EIF4G1: variants seen among roughly 807,000 people sequenced by gnomAD.
EIF4G1 encodes EIF4-gamma.
EIF4G1 carries 4 observed loss-of-function variants against 187.8 expected under a neutral mutation model. That is an observed-to-expected ratio of 0.02 (90% CI 0.01 to 0.05). EIF4G1 has a LOEUF of 0.05. Ranked by LOEUF, EIF4G1 falls within the 10% of genes least tolerant of loss-of-function variation. The pLI is 1.00. For missense variants in EIF4G1, 1,647 were observed against 2,081.1 expected (o/e 0.79, Z 4.06); for synonymous variants, 844 against 781.4 (o/e 1.08, Z -1.34).
At chr3:184,321,152 A>G in intron 9 of EIF4G1, 130 bp from the exon 10 acceptor site, 1 of 1,485,268 alleles carries the variant, frequency 6.7e-7, no homozygotes, top group African/African-American at 1.4e-5. Flanking sequence ...TGAAAGTGGA[A>G]GTATAGCTTA....
At chr3:184,315,260 A>G in intron 1 of EIF4G1, 2 of 440,486 alleles carry the variant, frequency 4.5e-6, no homozygotes, top group Non-Finnish European at 9.2e-6. Context: ...GGGCGGCGGC[A>G]GGCCTAGCTT....
At position 184,326,425 on chromosome 3, in the gene EIF4G1, C is replaced by T. The variant is rs563720705; in HGVS notation, c.3223-102C>T. 9 of 1,233,988 alleles carry T rather than the reference C, an allele frequency of 7.3e-6. No homozygotes were observed. The African/African-American group carries it at 1.3e-4, about 18-fold the overall frequency. The allele number at this position is 1,233,988 out of a possible 1,614,324, so 76.4% of individuals were successfully genotyped here. Reference sequence around the variant, plus strand: ...TTTATTAAAAAAGATTTTCTGACCCCTGGACTGGGCCATTCACTACCTGTT... The same window carrying T: ...TTTATTAAAAAAGATTTTCTGACCCTTGGACTGGGCCATTCACTACCTGTT... On this transcript the variant is annotated intron_variant, in intron 21 of 32. Transcript: ENST00000346169.
Position 184,331,806 on chromosome 3 carries a change from A to G in EIF4G1, c.4474A>G (p.Ile1492Val). ...GACGGCTGTCTGCTATTCTGCAATT[A>G]TTTGTAAGAGGAACCAGGGAGATGG... is the stretch of plus-strand genomic sequence containing the variant. ...LMTAVCYSAIIFETPLRVDVA... is the reference protein window; with the variant it reads ...LMTAVCYSAIVFETPLRVDVA... The change falls in exon 31 of 33, where the codon ATT becomes GTT. Residue 1492 changes from isoleucine to valine, a missense_variant. Physicochemically the swap from Ile to Val is conservative, Grantham distance 29 (BLOSUM62 3). Around this residue, in one of 11 missense-constraint regions of EIF4G1, gnomAD observed 543 missense variants for 638.0 expected, o/e 0.85. Coordinates refer to ENST00000346169, the MANE Select transcript of EIF4G1 (RefSeq NM_198241.3). The G allele has an allele frequency of 3.1e-6, 5 of 1,614,138 alleles. No homozygotes were observed. Among genetic ancestry groups the G allele is most frequent in the Non-Finnish European group, 4.2e-6 (5 of 1,180,028 alleles).
Position 184,320,464 on chromosome 3 carries a change from C to T in EIF4G1, c.538-166C>T, listed in dbSNP as rs1375826262. ...AGGGTGGGAGCTGGGGCAGGGACTACGAGAGCAGCCAGATGGGCTGAAAGT... is the reference window on the plus strand; with the variant it reads ...AGGGTGGGAGCTGGGGCAGGGACTATGAGAGCAGCCAGATGGGCTGAAAGT... On this transcript the variant is annotated intron_variant, in intron 7 of 32. Transcript: ENST00000346169. The T allele has an allele frequency of 1.1e-5, 16 of 1,520,134 alleles. No homozygotes were observed. In the South Asian group the frequency reaches 1.5e-4, roughly 14 times the overall value. The allele number at this position is 1,520,134 out of a possible 1,614,324, so 94.2% of individuals were successfully genotyped here.
At chr3:184,317,159 A>G (rs1722944785) in intron 4 of EIF4G1, among the ~76,000 whole-genome samples, 162 bp from the exon 5 acceptor site, 1 of 152,216 alleles carries the variant, frequency 6.6e-6, no homozygotes, top group Admixed American at 6.5e-5. Flanking sequence ...TGTGTGTACA[A>G]GAAGCCGCTT....
Position 184,322,654 on chromosome 3 carries a change from C to A in EIF4G1, c.1719C>A (p.Thr573=). The A allele has an allele frequency of 6.2e-7, 1 of 1,614,180 alleles. No homozygotes were observed. The highest frequency in any genetic ancestry group is 1.7e-5 in the Admixed American group (1 of 60,022). ...VPPRPEEADE[T]WDSKEDKIHN... ...CACGTCCTGAGGAAGCAGATGAGAC[C>A]TGGGACTCAAAGGAAGACAAAATTC... The change falls in exon 12 of 33, where the codon ACC becomes ACA. Residue 573 remains threonine, a synonymous_variant. Coordinates refer to ENST00000346169, the MANE Select transcript of EIF4G1 (RefSeq NM_198241.3).
Position 184,327,957 on chromosome 3 carries a change from A to G in EIF4G1, c.3908A>G (p.Gln1303Arg). 6.2e-7 allele frequency: 1 copy of G among 1,610,762 alleles called. No individual in the cohort carries two copies. Among genetic ancestry groups the G allele is most frequent in the South Asian group, 1.1e-5 (1 of 91,084 alleles). Residue 1303 changes from glutamine (Q) to arginine (R), a missense_variant, in exon 26 of 33, where the codon CAG (glutamine) becomes CGG (arginine). Transcript: ENST00000346169. ...GAGCATATGGGGCAGCTGCTGCACC[A>G]GCTGCTCTGTGCTGGGCATCTGTCT... ...AREHMGQLLHQLLCAGHLSTA... is the reference protein window; with the variant it reads ...AREHMGQLLHRLLCAGHLSTA...
chr3:184,329,052 G>A, intron 28 of EIF4G1, 62 bp downstream of exon 28: 2 of 1,583,252 alleles, frequency 1.3e-6, no homozygotes, highest in Non-Finnish European at 1.7e-6. Flanking sequence ...GTTTGCTGTG[G>A]CCCTGAAGCT....
At chr3:184,328,401 C>CA in intron 26 of EIF4G1, 1 of 659,026 alleles carries the variant, frequency 1.5e-6, no homozygotes, top group East Asian at 2.8e-5. Context: ...AAAAAAAAAC[C>CA]AAAAAACAGT....
chr3:184,325,784 G>T lies in EIF4G1; in HGVS notation c.3122-67G>T, dbSNP rs897665762. 3.1e-6 allele frequency: 5 copies of T among 1,612,452 alleles called. No individual in the cohort carries two copies. Among genetic ancestry groups the T allele is most frequent in the Middle Eastern group, 1.7e-4 (1 of 6,054 alleles). On this transcript the variant is annotated intron_variant, in intron 20 of 32. Coordinates refer to ENST00000346169, the MANE Select transcript of EIF4G1 (RefSeq NM_198241.3). The surrounding 1 kb of genome is among the most constrained non-coding windows in gnomAD (Gnocchi z 5.2). ...AGGATCTGAGGAAGGGAGGCTGGGG[G>T]TGGCCCAAGGGGAAGGGGCTGCTAG...
At chr3:184,324,750 C>G in intron 17 of EIF4G1, 128 bp from the exon 18 acceptor site, 1 of 1,013,330 alleles carries the variant, frequency 9.9e-7, no homozygotes, top group Middle Eastern at 3.1e-4. Context: ...CAGGCATGAG[C>G]CACTATGCCC....
intron 32 of EIF4G1, among the ~76,000 whole-genome samples, chr3:184,333,904 T>C (rs1234789931): frequency 6.6e-6 from 1 of 152,030 alleles, no homozygotes; most frequent in Admixed American, 6.6e-5. Flanking sequence ...TAAGTGAAGG[T>C]TCTGCCCTGC....
At chr3:184,332,560 G>C (rs575390468) in intron 32 of EIF4G1, among the ~76,000 whole-genome samples, 84 of 152,272 alleles carry the variant, frequency 5.5e-4, no homozygotes, top group Admixed American at 5.0e-3. Context: ...TGCTCACAGA[G>C]AGGAAGCCGA....
intron 1 of EIF4G1, 45 bp downstream of exon 1, chr3:184,314,719 C>T (rs1409095316): frequency 1.3e-5 from 2 of 148,698 alleles, no homozygotes; most frequent in African/African-American, 2.5e-5. Flanking sequence ...CCCACCCCCT[C>T]CCCCCGCATC....
At position 184,322,315 on chromosome 3, in the gene EIF4G1, A is replaced by C. The variant is rs770228374; in HGVS notation, c.1520-47A>C. 122 of 1,585,738 alleles carry C rather than the reference A, an allele frequency of 7.7e-5. No homozygotes were observed. In the Middle Eastern group the frequency reaches 9.1e-4, roughly 12 times the overall value. On this transcript the variant is annotated intron_variant, in intron 10 of 32. Coordinates refer to ENST00000346169, the MANE Select transcript of EIF4G1 (RefSeq NM_198241.3). ...TTCCCAGGGATTAAGGGTACTCCTT[A>C]AATTATTGGCAAAGATCCATGCTTT...
At position 184,334,827 on chromosome 3, in the gene EIF4G1, G is replaced by A. The variant is rs1318911452; in HGVS notation, c.4719G>A (p.Gln1573=). The A allele has an allele frequency of 6.2e-7, 1 of 1,614,240 alleles. No homozygotes were observed. The highest frequency in any genetic ancestry group is 1.7e-5 in the Admixed American group (1 of 60,028). Residue 1573 remains glutamine, a synonymous_variant, in exon 33 of 33, where the codon CAG becomes CAA. Transcript: ENST00000346169. The surrounding 1 kb of genome is among the most constrained non-coding windows in gnomAD (Gnocchi z 5.8). ...WESSKDPAEQ[Q]GKGVALKSVT... is the part of the protein sequence containing the mutation. ...GTAGCAAGGACCCCGCTGAGCAGCA[G>A]GGCAAGGGTGTGGCCCTTAAATCTG...
In EIF4G1 at chr3:184,319,754, T is replaced by G; in HGVS notation, c.490T>G (p.Leu164Val). 1 of 1,608,736 alleles carries G rather than the reference T, an allele frequency of 6.2e-7. No individual in the cohort carries two copies. The highest frequency in any genetic ancestry group is 1.1e-5 in the South Asian group (1 of 89,808). The change falls in exon 7 of 33, where the codon TTG (leucine) becomes GTG (valine). Residue 164 changes from leucine to valine, a missense_variant. Coordinates refer to ENST00000346169, the MANE Select transcript of EIF4G1 (RefSeq NM_198241.3). Reference protein sequence around the residue: ...FPTGVAPTPVLMNQPPQIAPK... With the variant: ...FPTGVAPTPVVMNQPPQIAPK... The stretch of plus-strand genomic sequence containing the variant: ...CACTGGCGTGGCCCCCACCCCAGTT[T>G]TGATGAACCAGCCACCCCAGATTGC...
intron 32 of EIF4G1, 160 bp downstream of exon 32, chr3:184,332,246 G>A (rs1166026590): frequency 2.0e-6 from 2 of 985,642 alleles, no homozygotes; most frequent in Non-Finnish European, 1.5e-6. Flanking sequence ...TTTGTGTTGT[G>A]TTGTTCCTAC....
In EIF4G1 at chr3:184,322,008, A is replaced by T. The variant is rs1358225741; in HGVS notation, c.1424A>T (p.Glu475Val). 1.9e-6 allele frequency: 3 copies of T among 1,614,026 alleles called. No individual in the cohort carries two copies. The highest frequency in any genetic ancestry group is 2.5e-6 in the Non-Finnish European group (3 of 1,180,048). The change falls in exon 10 of 33, where the codon GAG (glutamate) becomes GTG (valine). Residue 475 changes from glutamate (E) to valine (V), a missense_variant. Glu to Val is a moderately radical substitution (Grantham distance 121). Around this residue, in one of 11 missense-constraint regions of EIF4G1, gnomAD observed 522 missense variants for 485.2 expected, o/e 1.08. Coordinates refer to ENST00000346169, the MANE Select transcript of EIF4G1 (RefSeq NM_198241.3). ...EGEAGEAGEA[E>V]SEKGGEELLP... ...GAAGCAGGAGAAGCAGGAGAAGCTGAGAGTGAGAAAGGAGGAGAGGAACTG... is the reference window on the plus strand; with the variant it reads ...GAAGCAGGAGAAGCAGGAGAAGCTGTGAGTGAGAAAGGAGGAGAGGAACTG...
Sources: allele counts gnomAD v4.1 joint callset (sites outside exome capture counted in the v4.1 genomes callset), GRCh38; gene constraint gnomAD v4.1.1; regional missense constraint gnomAD v4.1.1; non-coding constraint Gnocchi (gnomAD v3.1); transcripts MANE v1.5; gene names NCBI Gene and HGNC (gene_info 2026-07-23, HGNC 2026-07-21).